Variants in SHANK2 observed in about 807,000 individuals in gnomAD.
The protein encoded by SHANK2 is SH3 and multiple ankyrin repeat domains 2, also known as SH3 and multiple ankyrin repeat domains protein 2.
A neutral mutation model predicts 133.7 loss-of-function variants in SHANK2; 43 were observed. That is an observed-to-expected ratio of 0.32 (90% confidence interval 0.25 to 0.41). SHANK2 has a LOEUF of 0.41. Ranked by LOEUF, SHANK2 falls within the 10% of genes least tolerant of loss-of-function variation. SHANK2 has a pLI of 1.00. For missense variants in SHANK2, 1,994 were observed against 2,235.8 expected, an observed-to-expected ratio of 0.89 and a Z score of 2.18; for synonymous variants, 1,017 against 952.8, an observed-to-expected ratio of 1.07 and a Z score of -1.24.
intron 10 of SHANK2, among the ~76,000 whole-genome samples, chr11:70,949,579 C>G (rs1179462106): frequency 2.0e-5 from 3 of 152,220 alleles, no homozygotes; most frequent in East Asian, 3.9e-4. Context: ...CACAGGGTGA[C>G]CTGGGCTCCA....
At position 70,774,181 on chromosome 11, in the gene SHANK2, G is replaced by A. The variant is rs193090340; in HGVS notation, c.1777+24262C>T. The stretch of plus-strand genomic sequence containing the variant: ...GGCATGGGAGAATCTCAAAAACACT[G>A]TCCTAACTAAAAGAAGCTGGTCATA... On this transcript the variant is annotated intron_variant, in intron 14 of 25. Coordinates refer to ENST00000601538, the MANE Select transcript of SHANK2 (RefSeq NM_012309.5). Among the ~76,000 whole-genome samples, 302 of 152,272 alleles carry A rather than the reference G, an allele frequency of 2.0e-3. 1 individual carries two copies. The highest frequency in any genetic ancestry group is 7.1e-3 in the African/African-American group (295 of 41,570).
At chr11:70,887,608 T>C (rs1255071137) in intron 11 of SHANK2, among the ~76,000 whole-genome samples, 1 of 152,182 alleles carries the variant, frequency 6.6e-6, no homozygotes, top group African/African-American at 2.4e-5. Context: ...ACTGATTTCC[T>C]GGCACTGATT....
intron 11 of SHANK2, among the ~76,000 whole-genome samples, chr11:70,866,927 T>C (rs1343285544): frequency 1.3e-5 from 2 of 151,708 alleles, no homozygotes; most frequent in African/African-American, 4.8e-5. Context: ...GGAGGACAGA[T>C]CAACAACCAC....
intron 10 of SHANK2, chr11:70,933,032 C>A: frequency 4.7e-6 from 2 of 423,358 alleles, no homozygotes; most frequent in South Asian, 1.7e-5. Flanking sequence ...CAAAAGAATT[C>A]AACCCAGAGA....
chr11:70,774,162 G>C (rs2135067650), intron 14 of SHANK2, among the ~76,000 whole-genome samples: 1 of 152,238 alleles, frequency 6.6e-6, no homozygotes, highest in East Asian at 1.9e-4. Context: ...CTATGGCATG[G>C]GAGAATCTCA....
At chr11:71,083,907 C>T (rs1239405721) in intron 8 of SHANK2, among the ~76,000 whole-genome samples, 1 of 151,816 alleles carries the variant, frequency 6.6e-6, no homozygotes, top group East Asian at 1.9e-4. Flanking sequence ...CCAAGATTTC[C>T]ATGATGCATG....
chr11:71,154,970 C>T (rs568486082), intron 2 of SHANK2, among the ~76,000 whole-genome samples: 1 of 131,552 alleles, frequency 7.6e-6, no homozygotes, highest in Admixed American at 7.5e-5. Flanking sequence ...CCCGCCCACG[C>T]TCCCAGAAGA....
intron 2 of SHANK2, among the ~76,000 whole-genome samples, chr11:71,172,280 G>A (rs1332366729): frequency 2.0e-5 from 3 of 152,140 alleles, no homozygotes; most frequent in East Asian, 1.9e-4. Flanking sequence ...CAGGGGCCAC[G>A]GTGGGCCACA....
At chr11:70,659,997 TC>T (rs1489049370) in intron 16 of SHANK2, 45 bp from the exon 17 acceptor site, 1 of 1,613,704 alleles carries the variant, frequency 6.2e-7, no homozygotes, top group African/African-American at 1.3e-5. Flanking sequence ...GGAGATGTCT[TC>T]CAAGTTCACA....
At chr11:70,937,586 G>A (rs1375505463) in intron 10 of SHANK2, among the ~76,000 whole-genome samples, 2 of 152,084 alleles carry the variant, frequency 1.3e-5, no homozygotes, top group Admixed American at 6.5e-5. Flanking sequence ...CAAAAGATGG[G>A]GGTGGCCACC....
chr11:70,929,369 G>A (rs1950471699), intron 10 of SHANK2, among the ~76,000 whole-genome samples: 1 of 152,206 alleles, frequency 6.6e-6, no homozygotes, highest in Non-Finnish European at 1.5e-5. Flanking sequence ...TCAGTTCCCT[G>A]TTGCTGCTGT....
At chr11:70,950,762 C>T (rs1379186436) in intron 10 of SHANK2, among the ~76,000 whole-genome samples, 1 of 151,948 alleles carries the variant, frequency 6.6e-6, no homozygotes, top group Non-Finnish European at 1.5e-5. Flanking sequence ...TGCATGCCAC[C>T]ATGCCCAGCT....
chr11:70,515,637 G>GAAAAA (rs58440823), intron 17 of SHANK2, among the ~76,000 whole-genome samples: 3 of 79,956 alleles, frequency 3.8e-5, no homozygotes, highest in South Asian at 7.0e-4. Context: ...CTCGTTCCTT[G>GAAAAA]AAAAAAAAAA....
intron 14 of SHANK2, among the ~76,000 whole-genome samples, chr11:70,782,724 G>T (rs149964997): frequency 2.0e-5 from 3 of 152,186 alleles, no homozygotes; most frequent in South Asian, 4.1e-4. Flanking sequence ...CCAAACTGGC[G>T]CATGGCCAAA....
At chr11:70,548,288 C>A (rs1257659888) in intron 17 of SHANK2, among the ~76,000 whole-genome samples, 4 of 152,270 alleles carry the variant, frequency 2.6e-5, no homozygotes, top group Non-Finnish European at 5.9e-5. Context: ...GAGCCTCTGA[C>A]ACAGACGTGC....
At chr11:70,507,583 GC>G (rs1299700142) in intron 17 of SHANK2, among the ~76,000 whole-genome samples, 1 of 152,120 alleles carries the variant, frequency 6.6e-6, no homozygotes, top group African/African-American at 2.4e-5. Context: ...TGTCATGTGG[GC>G]GCTGGGGCAG....
In SHANK2 at chr11:70,479,941, C is replaced by T. The variant is rs1307429547; in HGVS notation, c.4979+5373G>A. ...CTTAGGCACTTAGCCCTTGAGTCTC[C>T]CTGCTTGTCTCCAGAATGCAGGCCC... is the stretch of plus-strand genomic sequence containing the variant. On this transcript the variant is annotated intron_variant, in intron 25 of 25. Coordinates refer to ENST00000601538, the MANE Select transcript of SHANK2 (RefSeq NM_012309.5). This position sits in a 1 kb window ranked among gnomAD's most constrained non-coding sequence, Gnocchi z 4.4. 1.3e-5 allele frequency among the ~76,000 whole-genome samples: 2 copies of T among 152,152 alleles called. No homozygotes were observed. The highest frequency in any genetic ancestry group is 6.5e-5 in the Admixed American group (1 of 15,274).
At chr11:71,123,484 C>G (rs1462729892) in intron 3 of SHANK2, among the ~76,000 whole-genome samples, 1 of 152,150 alleles carries the variant, frequency 6.6e-6, no homozygotes, top group Non-Finnish European at 1.5e-5. Context: ...TGGGGTAGGA[C>G]TTCCAGGTTG....
intron 17 of SHANK2, among the ~76,000 whole-genome samples, chr11:70,545,098 T>C (rs2059324400): frequency 6.6e-6 from 1 of 152,120 alleles, no homozygotes; most frequent in Non-Finnish European, 1.5e-5. Context: ...CACTGGGGCC[T>C]GGGAGGGGTT....
Sources: allele counts gnomAD v4.1 joint callset (sites outside exome capture counted in the v4.1 genomes callset), GRCh38; gene constraint gnomAD v4.1.1; non-coding constraint Gnocchi (gnomAD v3.1); transcripts MANE v1.5; gene names NCBI Gene and HGNC (gene_info 2026-07-23, HGNC 2026-07-21).